Variants in CUL5 observed in about 807,000 individuals in gnomAD.
CUL5 encodes the protein cullin 5, also known as cullin-5.
Under a neutral mutation model 108.8 loss-of-function variants are expected in CUL5, and 26 were observed. The ratio of observed to expected loss-of-function variants is 0.24; its 90% CI spans 0.18 to 0.33. The LOEUF (loss-of-function observed/expected upper bound fraction) is 0.33. CUL5 is among the 10% of genes least tolerant of loss of function. CUL5 has a pLI of 1.00. For synonymous variants in CUL5, 334 were observed against 298.0 expected (o/e 1.12, Z -1.25); for missense variants, 524 against 909.2 (o/e 0.58, Z 5.45).
intron 1 of CUL5, among the ~76,000 whole-genome samples, chr11:108,013,890 A>G (rs909635924): frequency 1.3e-5 from 2 of 152,168 alleles, no homozygotes; most frequent in East Asian, 3.9e-4. Context: ...CCCTGTCTCT[A>G]TAAAACAACA....
intron 7 of CUL5, among the ~76,000 whole-genome samples, chr11:108,060,466 T>C (rs929768624): frequency 6.6e-6 from 1 of 152,164 alleles, no homozygotes; most frequent in Non-Finnish European, 1.5e-5. Context: ...ATATAACTAA[T>C]GAAAATCAGA....
chr11:108,036,308 C>T (rs1862742184), intron 2 of CUL5, among the ~76,000 whole-genome samples: 1 of 152,160 alleles, frequency 6.6e-6, no homozygotes, highest in Non-Finnish European at 1.5e-5. Context: ...GTCCCTTCAG[C>T]AGAAAAAAGC....
chr11:108,077,051 A>G (rs1046253858), intron 10 of CUL5, among the ~76,000 whole-genome samples: 3 of 152,212 alleles, frequency 2.0e-5, no homozygotes, highest in Non-Finnish European at 4.4e-5. Context: ...GCTTCAGCAT[A>G]TAAGTGGTTT....
chr11:108,014,543 TAA>T (rs1191562113), intron 1 of CUL5, among the ~76,000 whole-genome samples: 1 of 152,204 alleles, frequency 6.6e-6, no homozygotes, highest in Non-Finnish European at 1.5e-5. Flanking sequence ...TACACATAAA[TAA>T]AAGTTATTAT....
intron 11 of CUL5, among the ~76,000 whole-genome samples, chr11:108,078,774 T>A (rs1864000257): frequency 6.6e-6 from 1 of 152,146 alleles, no homozygotes; most frequent in African/African-American, 2.4e-5. Flanking sequence ...AGAATTACCA[T>A]TTTAAAGAAA....
chr11:108,037,189 A>C (rs2135096414), intron 2 of CUL5, among the ~76,000 whole-genome samples: 1 of 152,246 alleles, frequency 6.6e-6, no homozygotes. Flanking sequence ...GCATGGCCAG[A>C]AACTGCCAGG....
chr11:108,039,584 G>C (rs115311547), intron 2 of CUL5, among the ~76,000 whole-genome samples: 1 of 152,178 alleles, frequency 6.6e-6, no homozygotes, highest in East Asian at 1.9e-4. Context: ...TTCCCCAAAC[G>C]CTTCATCATC....
intron 18 of CUL5, among the ~76,000 whole-genome samples, chr11:108,099,726 T>G (rs76449018): frequency 0.024 from 3,687 of 152,226 alleles, 158 homozygotes; most frequent in African/African-American, 0.081. Context: ...TCTTCCCATG[T>G]TTCCAGGCAG....
Position 108,095,527 on chromosome 11 carries a change from T to C in CUL5, c.1744-3T>C. ...TATTAAAAATCTGTTTTATCTATTATAGATAACATTTAAGAATGAAGTTGG... is the reference window on the plus strand; with the variant it reads ...TATTAAAAATCTGTTTTATCTATTACAGATAACATTTAAGAATGAAGTTGG... On this transcript the variant is annotated splice_region_variant and splice_polypyrimidine_tract_variant and intron_variant, in intron 15 of 18. Transcript: ENST00000393094. 1 of 1,577,640 alleles carries C rather than the reference T, an allele frequency of 6.3e-7. No homozygotes were observed. The highest frequency in any genetic ancestry group is 1.7e-5 in the Admixed American group (1 of 58,040).
chr11:108,086,668 C>G lies in CUL5; in HGVS notation c.1179-1859C>G, dbSNP rs1233509323. 2.0e-5 allele frequency among the ~76,000 whole-genome samples: 3 copies of G among 152,190 alleles called. No homozygotes were observed. In the East Asian group the frequency reaches 5.8e-4, roughly 29 times the overall value. On this transcript the variant is annotated intron_variant, in intron 11 of 18. Coordinates refer to ENST00000393094, the MANE Select transcript of CUL5 (RefSeq NM_003478.6). ...TAAATTTTCAACTTCCACATTCACT[C>G]TTTTCTAAAATTCCACCCTGTGATG...
intron 10 of CUL5, among the ~76,000 whole-genome samples, chr11:108,076,625 G>A (rs1163896024): frequency 1.3e-5 from 2 of 152,110 alleles, no homozygotes; most frequent in Non-Finnish European, 2.9e-5. Flanking sequence ...ATTGATGGAC[G>A]CTGAGGTTGT....
intron 1 of CUL5, among the ~76,000 whole-genome samples, chr11:108,012,493 C>G (rs1027000396): frequency 4.6e-5 from 7 of 150,762 alleles, no homozygotes; most frequent in African/African-American, 1.5e-4. Context: ...CTCATCTTCC[C>G]CCCAGGACTT....
intron 1 of CUL5, 32 bp downstream of exon 1, chr11:108,009,404 G>A: frequency 6.2e-7 from 1 of 1,612,778 alleles, no homozygotes; most frequent in Non-Finnish European, 8.5e-7. Context: ...GGGTTTTACT[G>A]TGTGGCCGCC....
At chr11:108,038,788 A>G (rs1055548794) in intron 2 of CUL5, among the ~76,000 whole-genome samples, 2 of 152,060 alleles carry the variant, frequency 1.3e-5, no homozygotes, top group African/African-American at 4.8e-5. Context: ...ACCCTTGTAA[A>G]TTTTAGCCAT....
chr11:108,021,228 T>C (rs1862319632), intron 1 of CUL5, among the ~76,000 whole-genome samples: 1 of 152,218 alleles, frequency 6.6e-6, no homozygotes, highest in Admixed American at 6.5e-5. Flanking sequence ...GACACATGGC[T>C]CTAATCCACA....
intron 16 of CUL5, among the ~76,000 whole-genome samples, chr11:108,096,626 G>A (rs951739894): frequency 7.4e-6 from 1 of 135,656 alleles, no homozygotes; most frequent in Non-Finnish European, 1.5e-5. Flanking sequence ...GAGTGCAATG[G>A]CGCAATCTCA....
chr11:108,084,149 G>A (rs575774831), intron 11 of CUL5, among the ~76,000 whole-genome samples: 1 of 152,328 alleles, frequency 6.6e-6, no homozygotes, highest in African/African-American at 2.4e-5. Flanking sequence ...TGGGAGACTT[G>A]CTTCTGAGGA....
In CUL5 at chr11:108,009,325, T is replaced by C. The variant is rs1054183723; in HGVS notation, c.-24T>C. 2 of 1,613,074 alleles carry C rather than the reference T, an allele frequency of 1.2e-6. No individual in the cohort carries two copies. The highest frequency in any genetic ancestry group is 1.3e-5 in the African/African-American group (1 of 74,890). ...GAGCGCCACGAATTCTCGCGTCGTC[T>C]CGCGAGAGTCCAAGTTAAAGAACAT... On this transcript the variant is annotated 5_prime_UTR_variant, in exon 1 of 19. Transcript: ENST00000393094.
intron 16 of CUL5, among the ~76,000 whole-genome samples, chr11:108,096,845 C>A (rs1252143523): frequency 1.3e-5 from 2 of 152,058 alleles, no homozygotes; most frequent in East Asian, 3.9e-4. Flanking sequence ...GGATTACAGG[C>A]CTGAGCTACT....
Sources: allele counts gnomAD v4.1 joint callset (sites outside exome capture counted in the v4.1 genomes callset), GRCh38; gene constraint gnomAD v4.1.1; transcripts MANE v1.5; gene names NCBI Gene and HGNC (gene_info 2026-07-23, HGNC 2026-07-21).